Variants in LRRIQ1 observed in about 807,000 individuals in gnomAD.
LRRIQ1 encodes leucine rich repeats and IQ motif containing 1.
LRRIQ1 carries 210 observed loss-of-function variants against 211.9 expected under a neutral mutation model. That is an observed-to-expected ratio of 0.99 (90% CI 0.89 to 1.11). LRRIQ1 has a LOEUF of 1.11. Among genes scored for constraint, LRRIQ1 ranks in the 50% most tolerant of loss-of-function variants. The pLI is 0.00. For synonymous variants in LRRIQ1, 699 were observed against 650.1 expected (o/e 1.08, Z -1.14); for missense variants, 2,136 against 1,939.5 (o/e 1.10, Z -1.90).
intron 3 of LRRIQ1, among the ~76,000 whole-genome samples, chr12:85,044,018 T>A (rs1565780576): frequency 6.6e-6 from 1 of 152,138 alleles, no homozygotes; most frequent in Non-Finnish European, 1.5e-5. Context: ...ATGATGTCAT[T>A]TTTTTCTTTT....
At position 85,056,968 on chromosome 12, in the gene LRRIQ1, G is replaced by A; in HGVS notation, c.2175G>A (p.Met725Ile). ...CHENAPEPDS[M>I]TCCVSESTLL... is the part of the protein sequence containing the mutation. ...AAAATGCACCTGAACCTGATAGCATGACCTGCTGTGTATCAGAGTCAACCC... is the reference window on the plus strand; with the variant it reads ...AAAATGCACCTGAACCTGATAGCATAACCTGCTGTGTATCAGAGTCAACCC... The change falls in exon 8 of 27, where the codon ATG (methionine) becomes ATA (isoleucine). Residue 725 changes from methionine to isoleucine, a missense_variant. By Grantham distance (10) the Met-to-Ile change is conservative (BLOSUM62 1). Coordinates refer to ENST00000393217, the MANE Select transcript of LRRIQ1 (RefSeq NM_001079910.2). The A allele has an allele frequency of 6.2e-7, 1 of 1,611,426 alleles. No homozygotes were observed. The highest frequency in any genetic ancestry group is 2.2e-5 in the East Asian group (1 of 44,850).
intron 24 of LRRIQ1, among the ~76,000 whole-genome samples, chr12:85,195,802 C>T (rs372862877): frequency 7.2e-5 from 11 of 152,212 alleles, no homozygotes; most frequent in East Asian, 5.8e-4. Context: ...TCCTATTCAA[C>T]GTAGTGTTGG....
At chr12:85,116,520 A>T (rs1225722092) in intron 15 of LRRIQ1, among the ~76,000 whole-genome samples, 1 of 152,162 alleles carries the variant, frequency 6.6e-6, no homozygotes, top group African/African-American at 2.4e-5. Context: ...CAGCAGGGTT[A>T]TTTCATACAA....
chr12:85,061,864 A>G (rs1195995041), intron 8 of LRRIQ1, among the ~76,000 whole-genome samples: 1 of 151,834 alleles, frequency 6.6e-6, no homozygotes, highest in Non-Finnish European at 1.5e-5. Context: ...TAGATTATGA[A>G]TAGTTGAGAC....
At chr12:85,253,404 A>G (rs1477775452) in intron 1 of LRRIQ1, among the ~76,000 whole-genome samples, 1 of 152,092 alleles carries the variant, frequency 6.6e-6, no homozygotes, top group Non-Finnish European at 1.5e-5. Flanking sequence ...TCTCAAATCT[A>G]GAAGTCCCTT....
At chr12:85,068,991 C>A (rs1375050484) in intron 10 of LRRIQ1, among the ~76,000 whole-genome samples, 3 of 151,082 alleles carry the variant, frequency 2.0e-5, no homozygotes, top group Admixed American at 6.6e-5. Flanking sequence ...GCACAACGTG[C>A]AGGTTTGTTA....
rs1045892022 is a variant in LRRIQ1 at position 85,218,581 on chromosome 12, G to A, written c.4823-10936G>A. Among the ~76,000 whole-genome samples, 53 of 151,950 alleles carry A rather than the reference G, an allele frequency of 3.5e-4. 1 individual carries two copies. The highest frequency in any genetic ancestry group is 8.5e-4 in the Admixed American group (13 of 15,252). On this transcript the variant is annotated intron_variant, in intron 24 of 26. Transcript: ENST00000393217. ...AAGCCAACTTACTATGTACAGTTTC[G>A]TTGCTAGGCAGATACAAAGATGGAT...
At chr12:85,178,485 C>G (rs1342855588) in intron 24 of LRRIQ1, among the ~76,000 whole-genome samples, 1 of 151,964 alleles carries the variant, frequency 6.6e-6, no homozygotes, top group Non-Finnish European at 1.5e-5. Flanking sequence ...TTTTCTTCCG[C>G]TGTCCTTGAG....
chr12:85,040,585 AGATACT>A lies in LRRIQ1; in HGVS notation c.233_238del (p.Thr78_Asp79del), dbSNP rs770720743. On this transcript the variant is annotated inframe_deletion, in exon 3 of 27. Coordinates refer to ENST00000393217, the MANE Select transcript of LRRIQ1 (RefSeq NM_001079910.2). The stretch of plus-strand genomic sequence containing the variant: ...AAGAGCTCATTCTTCAGGACCTGGA[AGATACT>A]GATATTTTAAGTAAGTACTATTTTC... The A allele has an allele frequency of 9.9e-5, 157 of 1,586,008 alleles. 1 individual carries two copies. The highest frequency in any genetic ancestry group is 1.7e-6 in the Non-Finnish European group (2 of 1,158,742).
At chr12:85,195,902 G>A (rs181293754) in intron 24 of LRRIQ1, among the ~76,000 whole-genome samples, 9 of 150,728 alleles carry the variant, frequency 6.0e-5, no homozygotes, top group Admixed American at 2.6e-4. Context: ...GTTTGCAGAC[G>A]ACGTGATTGT....
chr12:85,237,801 C>A (rs759539432), intron 26 of LRRIQ1, among the ~76,000 whole-genome samples: 1 of 152,060 alleles, frequency 6.6e-6, no homozygotes, highest in Non-Finnish European at 1.5e-5. Context: ...TAAAAACTGC[C>A]TCTGTTAGAA....
rs749909125 is a variant in LRRIQ1, at chr12:85,160,657, G to T, written c.4765G>T (p.Val1589Leu). The T allele has an allele frequency of 2.5e-6, 4 of 1,610,814 alleles. No individual in the cohort carries two copies. In the South Asian group the frequency reaches 4.4e-5, roughly 18 times the overall value. The change falls in exon 24 of 27, where the codon GTG becomes TTG. Residue 1589 changes from valine (V) to leucine (L), a missense_variant. Physicochemically the swap from Val to Leu is conservative, Grantham distance 32. Coordinates refer to ENST00000393217, the MANE Select transcript of LRRIQ1 (RefSeq NM_001079910.2). ...CTTATTCAAAAACAATGAAAATAAA[G>T]TGTCTCTTCCAAAATCACCAAAGAT... ...LALFKNNENK[V>L]SLPKSPKMVQ...
In LRRIQ1 at chr12:85,040,523, T is replaced by G. The variant is rs1328269903; in HGVS notation, c.166T>G (p.Cys56Gly). 1 of 1,573,530 alleles carries G rather than the reference T, an allele frequency of 6.4e-7. No individual in the cohort carries two copies. The highest frequency in any genetic ancestry group is 8.6e-7 in the Non-Finnish European group (1 of 1,158,834). Residue 56 changes from cysteine to glycine, a missense_variant, in exon 3 of 27, where the codon TGT (cysteine) becomes GGT (glycine). By Grantham distance (159) the Cys-to-Gly change is radical (BLOSUM62 -3). Coordinates refer to ENST00000393217, the MANE Select transcript of LRRIQ1 (RefSeq NM_001079910.2). ...SVELPESVLH[C>G]INIIKNRSKA... Reference sequence around the variant, plus strand: ...TGAATTACCAGAATCAGTTCTTCACTGTATTAACATCATAAAGAACAGGAG... The same window carrying G: ...TGAATTACCAGAATCAGTTCTTCACGGTATTAACATCATAAAGAACAGGAG...
intron 15 of LRRIQ1, among the ~76,000 whole-genome samples, chr12:85,108,103 A>T (rs1158486695): frequency 1.3e-5 from 2 of 151,822 alleles, no homozygotes; most frequent in Admixed American, 1.3e-4. Flanking sequence ...TGTATTCTGG[A>T]CATTTTGAAT....
rs757427573 is a variant in LRRIQ1 at position 85,066,829 on chromosome 12, C to T, written c.2626C>T (p.Leu876Phe). ...VLLNKNQLTS[L>F]HGLDGCTNIQ... ...TCTTAATAAAAATCAACTGACTTCT[C>T]TTCATGGTTTGGATGGCTGTACTAA... is the stretch of plus-strand genomic sequence containing the variant. The change falls in exon 10 of 27, where the codon CTT (leucine) becomes TTT (phenylalanine). Residue 876 changes from leucine to phenylalanine, a missense_variant. Leu to Phe is a conservative substitution (Grantham distance 22). Transcript: ENST00000393217. The T allele has an allele frequency of 1.9e-6, 3 of 1,595,082 alleles. No homozygotes were observed. Among genetic ancestry groups the T allele is most frequent in the Non-Finnish European group, 2.6e-6 (3 of 1,168,330 alleles).
chr12:85,090,213 G>T (rs1394294780), intron 11 of LRRIQ1, among the ~76,000 whole-genome samples: 7 of 152,204 alleles, frequency 4.6e-5, no homozygotes, highest in Admixed American at 2.0e-4. Flanking sequence ...GGTATCAGAG[G>T]ATGTATGGAA....
rs1890101222 is a variant in LRRIQ1, at chr12:85,149,505, T to C, written c.4330-2775T>C. Among the ~76,000 whole-genome samples, 3 of 151,888 alleles carry C rather than the reference T, an allele frequency of 2.0e-5. No individual in the cohort carries two copies. The South Asian group carries it at 6.2e-4, about 31-fold the overall frequency. On this transcript the variant is annotated intron_variant, in intron 19 of 26. Transcript: ENST00000393217. ...TGAGGTCTCTGTTCTGTTCCATTGG[T>C]CTATGTGAGTAGAAGGCTTTATTAA...
chr12:85,117,019 C>A (rs115389371), intron 15 of LRRIQ1, among the ~76,000 whole-genome samples: 1 of 152,026 alleles, frequency 6.6e-6, no homozygotes, highest in Non-Finnish European at 1.5e-5. Flanking sequence ...TGAACATTTG[C>A]GTGCATGTGG....
At chr12:85,192,663 A>G (rs1892613098) in intron 24 of LRRIQ1, among the ~76,000 whole-genome samples, 1 of 84,854 alleles carries the variant, frequency 1.2e-5, no homozygotes, top group South Asian at 3.3e-4. Context: ...AATTATAAAT[A>G]TATAGTTATA....
Sources: gnomAD v4.1 joint callset for allele counts (sites outside exome capture counted in the v4.1 genomes callset) on GRCh38, gnomAD v4.1.1 for gene constraint, MANE v1.5 for transcripts, NCBI Gene and HGNC (gene_info 2026-07-23, HGNC 2026-07-21) for gene names.